BCAS4: variants seen among roughly 807,000 people sequenced by gnomAD.
The protein encoded by BCAS4 is breast carcinoma amplified sequence 4, also known as breast carcinoma-amplified sequence 4.
In BCAS4, 9 loss-of-function variants were observed where a neutral mutation model predicts 15.7. That is an observed-to-expected ratio of 0.57 (90% CI 0.34 to 1.00). BCAS4 has a LOEUF of 1.00. Ranked by LOEUF, BCAS4 falls within the 50% of genes least tolerant of loss-of-function variation. The pLI is 0.02. For missense variants in BCAS4, 225 were observed against 239.1 expected, an observed-to-expected ratio of 0.94 and a Z score of 0.39; for synonymous variants, 101 against 99.5, an observed-to-expected ratio of 1.02 and a Z score of -0.09.
intron 4 of BCAS4, among the ~76,000 whole-genome samples, chr20:50,856,228 T>C (rs1978755283): frequency 6.6e-6 from 1 of 152,206 alleles, no homozygotes; most frequent in South Asian, 2.1e-4. Flanking sequence ...CTGGAAAAGG[T>C]GCAATCCCTT....
chr20:50,867,386 G>T (rs1600903116), intron 4 of BCAS4, among the ~76,000 whole-genome samples: 1 of 152,100 alleles, frequency 6.6e-6, no homozygotes, highest in Admixed American at 6.5e-5. Context: ...TCGTTCTGTT[G>T]CCCAGGCTGG....
chr20:50,871,676 C>T (rs117097549), intron 4 of BCAS4, among the ~76,000 whole-genome samples: 2 of 152,346 alleles, frequency 1.3e-5, no homozygotes, highest in East Asian at 1.9e-4. Context: ...TGTCTTGCCG[C>T]GTCTTCTAAC....
At chr20:50,868,513 C>G (rs1016038640) in intron 4 of BCAS4, among the ~76,000 whole-genome samples, 1 of 152,204 alleles carries the variant, frequency 6.6e-6, no homozygotes, top group Admixed American at 6.5e-5. Context: ...GCCTCGACCT[C>G]CAGGGCTCAA....
intron 4 of BCAS4, among the ~76,000 whole-genome samples, chr20:50,855,039 A>C (rs968840217): frequency 6.6e-6 from 1 of 152,156 alleles, no homozygotes; most frequent in Non-Finnish European, 1.5e-5. Context: ...ATGCTGGGTC[A>C]TGAGGGGTTG....
At chr20:50,840,868 C>T (rs556874629) in intron 3 of BCAS4, 17 of 802,770 alleles carry the variant, frequency 2.1e-5, no homozygotes, top group Middle Eastern at 3.7e-4. Context: ...TCACTCTTGT[C>T]GCGCAGGCTG....
chr20:50,820,651 G>GCATCTGACCCATCA (rs2088202726), intron 2 of BCAS4, among the ~76,000 whole-genome samples: 1 of 152,200 alleles, frequency 6.6e-6, no homozygotes, highest in African/African-American at 2.4e-5. Context: ...AGCCTGAAGA[G>GCATCTGACCCATCA]GGCTGGGGGC....
intron 2 of BCAS4, among the ~76,000 whole-genome samples, chr20:50,821,338 G>A (rs536697067): frequency 2.2e-4 from 33 of 152,352 alleles, no homozygotes; most frequent in Admixed American, 3.9e-4. Context: ...AATATGTGAC[G>A]CTTGTGGGAC....
At chr20:50,843,256 C>T (rs183713889) in intron 4 of BCAS4, among the ~76,000 whole-genome samples, 1 of 152,298 alleles carries the variant, frequency 6.6e-6, no homozygotes, top group East Asian at 1.9e-4. Context: ...CATGCCTGGC[C>T]TTATTGAGTG....
At chr20:50,878,073 A>G (rs1252121158), downstream of BCAS4, 1 of 126,814 alleles carries the variant, frequency 7.9e-6, no homozygotes, top group Non-Finnish European at 1.6e-5. Context: ...ATGTTTTTAA[A>G]AATTAAAAAC....
intron 4 of BCAS4, among the ~76,000 whole-genome samples, chr20:50,873,703 G>T (rs1979771794): frequency 6.6e-6 from 1 of 152,200 alleles, no homozygotes; most frequent in Non-Finnish European, 1.5e-5. Context: ...AGAGGCAGGG[G>T]CAGCTGGGGA....
intron 1 of BCAS4, among the ~76,000 whole-genome samples, chr20:50,796,481 ATATATATTTTTTTTTT>A (rs1374034959): frequency 1.7e-4 from 2 of 11,558 alleles, no homozygotes; most frequent in African/African-American, 7.2e-4. Context: ...ATATATATAT[ATATATATTTTTTTTTT>A]TTTTTTTTTT....
chr20:50,861,781 T>G (rs1277406271), intron 4 of BCAS4, among the ~76,000 whole-genome samples: 1 of 151,924 alleles, frequency 6.6e-6, no homozygotes, highest in Non-Finnish European at 1.5e-5. Flanking sequence ...TCAGGGCCAC[T>G]AGGCTGTTCC....
intron 1 of BCAS4, among the ~76,000 whole-genome samples, chr20:50,807,883 T>C (rs965151139): frequency 6.6e-5 from 10 of 151,906 alleles, no homozygotes; most frequent in Non-Finnish European, 1.5e-4. Flanking sequence ...GGTATCTATA[T>C]GTATATATGC....
At chr20:50,859,244 G>A (rs867630971) in intron 4 of BCAS4, among the ~76,000 whole-genome samples, 28 of 152,112 alleles carry the variant, frequency 1.8e-4, no homozygotes, top group Admixed American at 5.2e-4. Context: ...GCCTAGCCTC[G>A]GTTTTGAATA....
chr20:50,850,683 A>T (rs1978360991), intron 4 of BCAS4, among the ~76,000 whole-genome samples: 1 of 152,132 alleles, frequency 6.6e-6, no homozygotes, highest in Non-Finnish European at 1.5e-5. Context: ...GTGGCTTCTC[A>T]TGAAGAAGCA....
chr20:50,846,944 A>G (rs530724398), intron 4 of BCAS4, among the ~76,000 whole-genome samples: 4 of 152,024 alleles, frequency 2.6e-5, no homozygotes, highest in African/African-American at 7.2e-5. Context: ...TCAAAAAAAA[A>G]TTAAGCCTCA....
intron 4 of BCAS4, among the ~76,000 whole-genome samples, chr20:50,844,255 A>G (rs1185169543): frequency 6.6e-6 from 1 of 152,070 alleles, no homozygotes; most frequent in Non-Finnish European, 1.5e-5. Flanking sequence ...CAGCCTTGGC[A>G]ACAAAGCAAG....
chr20:50,871,210 G>C (rs944965828), intron 4 of BCAS4, among the ~76,000 whole-genome samples: 3 of 152,204 alleles, frequency 2.0e-5, no homozygotes, highest in African/African-American at 7.2e-5. Flanking sequence ...TGGACAGGCC[G>C]AGGGGACCCC....
chr20:50,838,432 C>T (rs960314418), intron 3 of BCAS4, among the ~76,000 whole-genome samples: 1 of 152,148 alleles, frequency 6.6e-6, no homozygotes, highest in African/African-American at 2.4e-5. Context: ...AAGACAGACT[C>T]GGCGCAGTGG....
Sources: gnomAD v4.1 joint callset for allele counts (sites outside exome capture counted in the v4.1 genomes callset) on GRCh38, gnomAD v4.1.1 for gene constraint, MANE v1.5 for transcripts, NCBI Gene and HGNC (gene_info 2026-07-23, HGNC 2026-07-21) for gene names.